Variants in MYO9A observed in about 807,000 individuals in gnomAD.
MYO9A encodes unconventional myosin-IXa.
In MYO9A, 103 loss-of-function variants were observed where a neutral mutation model predicts 293.3. The observed-to-expected ratio is 0.35, with a 90% confidence interval of 0.30 to 0.41. The LOEUF is 0.41. Ranked by LOEUF, MYO9A falls within the 10% of genes least tolerant of loss-of-function variation. The pLI is 1.00. For missense variants in MYO9A, 2,685 were observed against 3,033.0 expected (o/e 0.89, Z 2.69); for synonymous variants, 1,001 against 1,035.7 (o/e 0.97, Z 0.64).
At chr15:71,877,757 C>T (rs952161442) in intron 31 of MYO9A, among the ~76,000 whole-genome samples, 1 of 152,142 alleles carries the variant, frequency 6.6e-6, no homozygotes, top group African/African-American at 2.4e-5. Context: ...CGCCCCACCC[C>T]GATCTCTATT....
chr15:71,984,043 A>T (rs1352937445), intron 11 of MYO9A, among the ~76,000 whole-genome samples: 1 of 152,214 alleles, frequency 6.6e-6, no homozygotes, highest in Non-Finnish European at 1.5e-5. Context: ...GATGTCCCTG[A>T]CTTACGATGA....
At chr15:72,040,597 G>A (rs1304608649) in intron 2 of MYO9A, among the ~76,000 whole-genome samples, 2 of 152,174 alleles carry the variant, frequency 1.3e-5, no homozygotes, top group African/African-American at 4.8e-5. Flanking sequence ...CAAGAACCCA[G>A]TATTTTCCGT....
At chr15:71,849,959 T>C (rs1337547239) in intron 38 of MYO9A, 77 bp downstream of exon 38, 8 of 1,539,478 alleles carry the variant, frequency 5.2e-6, no homozygotes, top group African/African-American at 1.4e-5. Flanking sequence ...CCATTCACTA[T>C]GTTTGATATC....
intron 6 of MYO9A, among the ~76,000 whole-genome samples, chr15:72,010,771 GT>G (rs1280765660): frequency 6.6e-6 from 1 of 152,130 alleles, no homozygotes; most frequent in South Asian, 2.1e-4. Context: ...ATTTTGAGTG[GT>G]TCTAAAGGGT....
chr15:72,016,310 T>C (rs2077337580), intron 6 of MYO9A, among the ~76,000 whole-genome samples: 1 of 152,052 alleles, frequency 6.6e-6, no homozygotes. Flanking sequence ...ATAACAGGGC[T>C]GGCCAATCCA....
chr15:72,047,541 T>A (rs1364044455), intron 1 of MYO9A, among the ~76,000 whole-genome samples: 7 of 152,124 alleles, frequency 4.6e-5, no homozygotes, highest in Non-Finnish European at 1.0e-4. Flanking sequence ...CAAAATTTAT[T>A]CCTATCTTTA....
chr15:71,913,010 G>GT (rs879819244), intron 19 of MYO9A, among the ~76,000 whole-genome samples: 232 of 143,076 alleles, frequency 1.6e-3, no homozygotes, highest in African/African-American at 2.4e-3. Context: ...GATCTCCGTA[G>GT]TTTTTTTTTT....
chr15:72,000,081 A>C (rs370859919), intron 8 of MYO9A, 141 bp from the exon 9 acceptor site: 11 of 556,774 alleles, frequency 2.0e-5, no homozygotes, highest in South Asian at 1.5e-4. Flanking sequence ...ACACTGGGCA[A>C]TTTTAATACT....
At chr15:71,973,633 C>T (rs1335263931) in intron 12 of MYO9A, among the ~76,000 whole-genome samples, 3 of 152,048 alleles carry the variant, frequency 2.0e-5, no homozygotes, top group Admixed American at 6.6e-5. Flanking sequence ...AAATGCCAAG[C>T]AGAACAACCC....
At chr15:71,951,716 C>T in intron 15 of MYO9A, 61 bp downstream of exon 15, 2 of 1,606,366 alleles carry the variant, frequency 1.2e-6, no homozygotes, top group Non-Finnish European at 1.7e-6. Flanking sequence ...GTGTAGGATG[C>T]TCCTGGTTTC....
In MYO9A at chr15:72,117,993, G is replaced by T; in HGVS notation, c.-385C>A. On this transcript the variant is annotated 5_prime_UTR_variant, in exon 1 of 42. Coordinates refer to ENST00000356056, the MANE Select transcript of MYO9A (RefSeq NM_006901.4). ...CTCTGCCGGTGCAACTACTGCCTCCGCCGCCGCCTCTCGCAGTCCGGGCTG... is the reference window on the plus strand; with the variant it reads ...CTCTGCCGGTGCAACTACTGCCTCCTCCGCCGCCTCTCGCAGTCCGGGCTG... The T allele has an allele frequency of 2.5e-6, 1 of 398,944 alleles. No individual in the cohort carries two copies. The highest frequency in any genetic ancestry group is 4.4e-6 in the Non-Finnish European group (1 of 226,548). The allele number at this position is 398,944 out of a possible 1,614,324, so 24.7% of individuals were successfully genotyped here. A position where few individuals can be genotyped will look rare whatever the true frequency, so the allele number is the denominator to read the frequency against.
chr15:72,015,176 T>C (rs535166647), intron 6 of MYO9A, among the ~76,000 whole-genome samples: 2 of 151,970 alleles, frequency 1.3e-5, no homozygotes, highest in South Asian at 4.1e-4. Context: ...GAAAAATATA[T>C]GCAGAGAAAG....
chr15:71,883,520 T>C (rs555721360), intron 28 of MYO9A, 74 bp downstream of exon 28: 6 of 1,488,372 alleles, frequency 4.0e-6, no homozygotes, highest in African/African-American at 1.4e-5. Flanking sequence ...TTATGAATAC[T>C]ACAGGAATAG....
rs755159215 is a variant in MYO9A at position 72,032,517 on chromosome 15, G to A, written c.912C>T (p.Tyr304=). The change falls in exon 3 of 42, where the codon TAC becomes TAT. Residue 304 remains tyrosine, a synonymous_variant. Transcript: ENST00000356056. ...SRFGKFIQVN[Y]QETGTVLGAY... Reference sequence around the variant, plus strand: ...ACCCAAGTACAGTGCCTGTTTCCTGGTAATTTACTTGAATAAACTTCCCAA... The same window carrying A: ...ACCCAAGTACAGTGCCTGTTTCCTGATAATTTACTTGAATAAACTTCCCAA... 3.7e-6 allele frequency: 6 copies of A among 1,602,524 alleles called. No individual in the cohort carries two copies. The South Asian group carries it at 6.7e-5, about 18-fold the overall frequency.
intron 2 of MYO9A, among the ~76,000 whole-genome samples, chr15:72,041,926 C>T (rs1213028325): frequency 6.7e-6 from 1 of 149,724 alleles, no homozygotes; most frequent in African/African-American, 2.5e-5. Flanking sequence ...AACTCTATAT[C>T]TACTTTTAAA....
chr15:71,993,426 C>A (rs758803485), intron 10 of MYO9A, among the ~76,000 whole-genome samples: 1 of 151,802 alleles, frequency 6.6e-6, no homozygotes, highest in Non-Finnish European at 1.5e-5. Context: ...ACAAAAATAA[C>A]ACAAAGTTAT....
intron 2 of MYO9A, among the ~76,000 whole-genome samples, chr15:72,042,293 A>G (rs1289162937): frequency 1.3e-5 from 2 of 152,088 alleles, no homozygotes; most frequent in African/African-American, 4.8e-5. Flanking sequence ...GAAGCCCAGG[A>G]GATTGAGACC....
At position 71,825,535 on chromosome 15, in the gene MYO9A, C is replaced by CACTT. The variant is rs533751892; in HGVS notation, c.*1041_*1044dup. ...TTTATTTTTTGGCAGCTTTCTGTAACACTTACTTACTTATTCATGCAATAT... is the reference window on the plus strand; with the variant it reads ...TTTATTTTTTGGCAGCTTTCTGTAACACTTACTTACTTACTTATTCATGCAATAT... On this transcript the variant is annotated 3_prime_UTR_variant, in exon 42 of 42. Coordinates refer to ENST00000356056, the MANE Select transcript of MYO9A (RefSeq NM_006901.4). 156 of 152,246 alleles carry CACTT rather than the reference C, an allele frequency of 1.0e-3. No individual in the cohort carries two copies. Among genetic ancestry groups the CACTT allele is most frequent in the East Asian group, 2.7e-3 (14 of 5,188 alleles). 9.4% of individuals were successfully genotyped at this position (152,246 alleles called of 1,614,324 possible).
In MYO9A at chr15:71,901,066, C is replaced by A. The variant is rs1487474432; in HGVS notation, c.3150+125G>T. On this transcript the variant is annotated intron_variant, in intron 23 of 41. Coordinates refer to ENST00000356056, the MANE Select transcript of MYO9A (RefSeq NM_006901.4). ...GTTATGAGCACTTCAAAATTGGGTA[C>A]GACATATTCTCATTTCTGAAGTTCA... 2.9e-6 allele frequency: 3 copies of A among 1,018,934 alleles called. No individual in the cohort carries two copies. In the South Asian group the frequency reaches 5.4e-5, roughly 18 times the overall value. 63.1% of individuals were successfully genotyped at this position (1,018,934 alleles called of 1,614,324 possible). A position where few individuals can be genotyped will look rare whatever the true frequency, so the allele number is the denominator to read the frequency against.
Sources: allele counts gnomAD v4.1 joint callset (sites outside exome capture counted in the v4.1 genomes callset), GRCh38; gene constraint gnomAD v4.1.1; transcripts MANE v1.5; gene names NCBI Gene and HGNC (gene_info 2026-07-23, HGNC 2026-07-21).